PABIR2: variants seen among roughly 807,000 people sequenced by gnomAD.
PABIR2 encodes the protein PABIR family member 2, also known as family with sequence similarity 122B.
In PABIR2, 7 loss-of-function variants were observed where a neutral mutation model predicts 22.8. The observed-to-expected ratio is 0.31, with a 90% CI of 0.17 to 0.58. PABIR2 has a LOEUF of 0.58. PABIR2 is among the 20% of genes least tolerant of loss of function. PABIR2 has a pLI of 0.89. For synonymous variants in PABIR2, 67 were observed against 73.8 expected, an observed-to-expected ratio of 0.91 and a Z score of 0.47; for missense variants, 155 against 205.1, an observed-to-expected ratio of 0.76 and a Z score of 1.49.
rs2078810195 is a variant in PABIR2, at chrX:134,769,722, AT to A, written c.*2416del. Reference sequence around the variant, plus strand: ...CAAAAAACATTATCTATAGGGTTGTATCATATCATCTCTTATACCTGTTTTC... The same window carrying A: ...CAAAAAACATTATCTATAGGGTTGTACATATCATCTCTTATACCTGTTTTC... On this transcript the variant is annotated 3_prime_UTR_variant, in exon 10 of 10. Coordinates refer to ENST00000343004, the MANE Select transcript of PABIR2 (RefSeq NM_001387468.1). 8.9e-6 allele frequency: 1 copy of A among 112,224 alleles called. No homozygotes were observed. Among genetic ancestry groups the A allele is most frequent in the Non-Finnish European group, 1.9e-5 (1 of 53,213 alleles). 9.2% of individuals were successfully genotyped at this position (112,224 alleles called of 1,213,427 possible).
intron 2 of PABIR2, among the ~76,000 whole-genome samples, chrX:134,792,429 T>C (rs1207991561): frequency 8.9e-6 from 1 of 112,254 alleles, no homozygotes; most frequent in East Asian, 2.8e-4. Context: ...CTGTATAACA[T>C]GTATAAACAT....
chrX:134,794,937 A>T lies in PABIR2; in HGVS notation c.99-1044T>A, dbSNP rs1291811192. On this transcript the variant is annotated intron_variant, in intron 1 of 9. Transcript: ENST00000343004. ...GTCACATCATGCTGTGTTTTCAGTG[A>T]TTATTTAAATCATGATTCAAAAAAC... Among the ~76,000 whole-genome samples the T allele has an allele frequency of 3.6e-5, 4 of 112,220 alleles. No homozygotes were observed. The Middle Eastern group carries it at 0.014, about 386-fold the overall frequency.
chrX:134,787,610 CTTTTTTTTTTTT>C (rs1179720154), intron 6 of PABIR2, 77 bp from the exon 7 acceptor site: 3 of 292,498 alleles, frequency 1.0e-5, no homozygotes, highest in Non-Finnish European at 1.0e-5. Flanking sequence ...AGTTTTCTTT[CTTTTTTTTTTTT>C]TTTTTTTTTT....
Position 134,771,533 on chromosome X carries a change from G to T in PABIR2, c.*606C>A. ...CTTCACACACCCCAACAGCAAAGAA[G>T]CAATAAGAGTAATGAAAGCAACTAC... is the stretch of plus-strand genomic sequence containing the variant. On this transcript the variant is annotated 3_prime_UTR_variant, in exon 10 of 10. Transcript: ENST00000343004. The T allele has an allele frequency of 1.0e-6, 1 of 976,676 alleles. No individual in the cohort carries two copies. Among genetic ancestry groups the T allele is most frequent in the Non-Finnish European group, 1.3e-6 (1 of 780,680 alleles). 80.5% of individuals were successfully genotyped at this position (976,676 alleles called of 1,213,427 possible).
chrX:134,781,798 T>C (rs746379669), intron 9 of PABIR2, 23 bp downstream of exon 9: 1 of 1,120,250 alleles, frequency 8.9e-7, no homozygotes, highest in South Asian at 2.0e-5. Flanking sequence ...TAATATACTT[T>C]TCATTTTATT....
intron 7 of PABIR2, 132 bp downstream of exon 7, chrX:134,787,340 T>C: frequency 3.7e-6 from 2 of 537,554 alleles, no homozygotes; most frequent in South Asian, 7.1e-5. Flanking sequence ...CCTCAGGTAA[T>C]CCACCAGCCT....
chrX:134,782,942 T>C (rs903739447), intron 8 of PABIR2, among the ~76,000 whole-genome samples: 1 of 112,323 alleles, frequency 8.9e-6, no homozygotes, highest in African/African-American at 3.2e-5. Context: ...GCTGGGCTTT[T>C]GAGTTCGCCT....
At position 134,771,207 on chromosome X, in the gene PABIR2, C is replaced by T; in HGVS notation, c.*932G>A. 1.0e-6 allele frequency: 1 copy of T among 953,526 alleles called. No individual in the cohort carries two copies. The highest frequency in any genetic ancestry group is 1.4e-6 in the Non-Finnish European group (1 of 719,804). 78.6% of individuals were successfully genotyped at this position (953,526 alleles called of 1,213,427 possible). A position where few individuals can be genotyped will look rare whatever the true frequency, so the allele number is the denominator to read the frequency against. ...TAGCATGACAATGTACCCCAAGGCA[C>T]CTGAGGCCTCATAATACCACTCGAG... On this transcript the variant is annotated 3_prime_UTR_variant, in exon 10 of 10. Coordinates refer to ENST00000343004, the MANE Select transcript of PABIR2 (RefSeq NM_001387468.1).
At chrX:134,775,090 A>G (rs2078932936) in intron 9 of PABIR2, among the ~76,000 whole-genome samples, 1 of 112,449 alleles carries the variant, frequency 8.9e-6, no homozygotes, top group African/African-American at 3.2e-5. Flanking sequence ...AGCCTTACTT[A>G]GACTAATGGC....
intron 9 of PABIR2, among the ~76,000 whole-genome samples, chrX:134,779,591 T>A (rs140625171): frequency 0.018 from 1,970 of 111,661 alleles, 44 homozygotes; most frequent in African/African-American, 0.061. Flanking sequence ...CTCGGAGGAA[T>A]AAATGTCTGG....
chrX:134,775,223 C>G (rs996762203), intron 9 of PABIR2, among the ~76,000 whole-genome samples: 3 of 111,659 alleles, frequency 2.7e-5, no homozygotes, highest in African/African-American at 9.8e-5. Flanking sequence ...ATATTTGAAT[C>G]ACACAACCAA....
At chrX:134,787,580 T>A in intron 6 of PABIR2, 47 bp from the exon 7 acceptor site, 1 of 992,399 alleles carries the variant, frequency 1.0e-6, no homozygotes, top group Non-Finnish European at 1.4e-6. Flanking sequence ...TATTCAATAT[T>A]AAAATAGTTC....
intron 8 of PABIR2, among the ~76,000 whole-genome samples, chrX:134,784,128 C>T (rs1020191994): frequency 9.3e-6 from 1 of 108,028 alleles, no homozygotes; most frequent in African/African-American, 3.4e-5. Flanking sequence ...TAAAATGACA[C>T]GTTGACACTT....
chrX:134,788,489 TAATA>T (rs1046162844), intron 6 of PABIR2, among the ~76,000 whole-genome samples: 2 of 106,776 alleles, frequency 1.9e-5, no homozygotes, highest in African/African-American at 6.8e-5. Flanking sequence ...GTTATATATG[TAATA>T]TATACGTTAT....
intron 6 of PABIR2, among the ~76,000 whole-genome samples, chrX:134,788,139 TAATA>T (rs2079404730): frequency 9.9e-6 from 1 of 101,220 alleles, no homozygotes. Flanking sequence ...TATATATGTG[TAATA>T]TATACGTTAT....
At chrX:134,783,647 C>T (rs1245250751) in intron 8 of PABIR2, among the ~76,000 whole-genome samples, 2 of 110,805 alleles carry the variant, frequency 1.8e-5, no homozygotes, top group Non-Finnish European at 3.8e-5. Flanking sequence ...ATAACTTGAA[C>T]CCAGGAGGCG....
intron 4 of PABIR2, 24 bp from the exon 5 acceptor site, chrX:134,789,163 C>T: frequency 3.3e-6 from 4 of 1,211,756 alleles, no homozygotes; most frequent in East Asian, 5.9e-5. Flanking sequence ...AGGGAAGGGC[C>T]GTCAGTGTTT....
In PABIR2 at chrX:134,789,234, A is replaced by G. The variant is rs1569431733; in HGVS notation, c.267T>C (p.Thr89=). The change falls in exon 4 of 10, where the codon ACT becomes ACC. Residue 89 remains threonine (T), a synonymous_variant. Transcript: ENST00000343004. Reference sequence around the variant, plus strand: ...TGCAAAGCACTAACCTTTCATGTGCAGTTTCTCTGTTCACCATATCCAGGC... The same window carrying G: ...TGCAAAGCACTAACCTTTCATGTGCGGTTTCTCTGTTCACCATATCCAGGC... ...EEGLDMVNRE[T]AHEREMQTAM... 10 of 1,212,455 alleles carry G rather than the reference A, an allele frequency of 8.2e-6. No homozygotes were observed. The highest frequency in any genetic ancestry group is 1.1e-5 in the Non-Finnish European group (10 of 895,677).
intron 9 of PABIR2, among the ~76,000 whole-genome samples, chrX:134,778,436 G>A (rs893500811): frequency 9.8e-6 from 1 of 102,125 alleles, no homozygotes; most frequent in Non-Finnish European, 2.0e-5. Context: ...CCAGGGAGGC[G>A]GAAGTTGCTG....
Sources: gnomAD v4.1 joint callset for allele counts (sites outside exome capture counted in the v4.1 genomes callset) on GRCh38, gnomAD v4.1.1 for gene constraint, MANE v1.5 for transcripts, NCBI Gene and HGNC (gene_info 2026-07-23, HGNC 2026-07-21) for gene names.